Variants in PEPD observed in about 807,000 individuals in gnomAD.
PEPD encodes peptidase D.
Under a neutral mutation model 60.7 loss-of-function variants are expected in PEPD, and 53 were observed. The ratio of observed to expected loss-of-function variants is 0.87; its 90% CI spans 0.70 to 1.10. The LOEUF is 1.10. Among genes scored for constraint, PEPD ranks in the 50% least tolerant of loss-of-function variants. The pLI, the probability that PEPD is intolerant of heterozygous loss-of-function variation, is 0.00. For missense variants in PEPD, 711 were observed against 711.9 expected (o/e 1.00, Z 0.01); for synonymous variants, 267 against 284.1 (o/e 0.94, Z 0.60).
chr19:33,472,894 G>A (rs1251359506), intron 7 of PEPD, among the ~76,000 whole-genome samples: 1 of 152,200 alleles, frequency 6.6e-6, no homozygotes, highest in Non-Finnish European at 1.5e-5. Context: ...CCATGACCCA[G>A]TGATGCAAAG....
chr19:33,482,883 TAGAAGATATAAACA>T (rs1192844502), intron 6 of PEPD, among the ~76,000 whole-genome samples: 7 of 152,160 alleles, frequency 4.6e-5, no homozygotes, highest in Non-Finnish European at 1.0e-4. Context: ...AGGAAAGATA[TAGAAGATATAAACA>T]AGAAATTAAC....
At chr19:33,403,834 G>A (rs1331446896) in intron 11 of PEPD, among the ~76,000 whole-genome samples, 2 of 152,210 alleles carry the variant, frequency 1.3e-5, no homozygotes, top group Non-Finnish European at 2.9e-5. Flanking sequence ...TGACTCTCAG[G>A]CTGGGGGGAG....
chr19:33,435,035 C>T (rs138984712), intron 9 of PEPD, among the ~76,000 whole-genome samples: 12 of 152,268 alleles, frequency 7.9e-5, no homozygotes, highest in Non-Finnish European at 1.5e-4. Flanking sequence ...AGCCGGAATG[C>T]GATGCCAGAG....
At chr19:33,435,984 G>A (rs894882305) in intron 9 of PEPD, among the ~76,000 whole-genome samples, 8 of 152,232 alleles carry the variant, frequency 5.3e-5, no homozygotes, top group Non-Finnish European at 1.2e-4. Flanking sequence ...GCTGCTGGAG[G>A]AGAATATGGG....
chr19:33,500,298 C>CTCCGAGCTGTGCTCTCGCCTCTG (rs1970683908), intron 4 of PEPD, among the ~76,000 whole-genome samples: 1 of 152,204 alleles, frequency 6.6e-6, no homozygotes, highest in African/African-American at 2.4e-5. Flanking sequence ...ACCACAGGGG[C>CTCCGAGCTGTGCTCTCGCCTCTG]TCCCAGCTGT....
chr19:33,431,992 C>CAAAAAAAAAAAAAAAAAAAAAAAA lies in PEPD; in HGVS notation c.672-18350_672-18349insTTTTTTTTTTTTTTTTTTTTTTTT, dbSNP rs906879187. 1.6e-3 allele frequency among the ~76,000 whole-genome samples: 127 copies of CAAAAAAAAAAAAAAAAAAAAAAAA among 77,812 alleles called. 5 individuals are homozygous for CAAAAAAAAAAAAAAAAAAAAAAAA. The highest frequency in any genetic ancestry group is 4.6e-3 in the East Asian group (10 of 2,182). The allele number at this position is 77,812 out of a possible 152,430, so 51.0% of individuals were successfully genotyped here. ...TGGGTAACAGAGCAAGACACCACCTCAAAAAAAAAAAAAAAAAAGGGAAGA... is the reference window on the plus strand; with the variant it reads ...TGGGTAACAGAGCAAGACACCACCTCAAAAAAAAAAAAAAAAAAAAAAAAAAAAAAAAAAAAAAAAAAGGGAAGA... On this transcript the variant is annotated intron_variant, in intron 9 of 14. Transcript: ENST00000244137.
At chr19:33,474,754 G>A (rs1283232035) in intron 7 of PEPD, among the ~76,000 whole-genome samples, 3 of 152,104 alleles carry the variant, frequency 2.0e-5, no homozygotes, top group Non-Finnish European at 4.4e-5. Flanking sequence ...GCTGAGGTAG[G>A]AGGATCTCTT....
At chr19:33,431,102 C>T (rs983775409) in intron 9 of PEPD, among the ~76,000 whole-genome samples, 14 of 147,516 alleles carry the variant, frequency 9.5e-5, no homozygotes, top group African/African-American at 1.3e-4. Flanking sequence ...AGAGCAAGAT[C>T]CTATGAAGGA....
chr19:33,427,879 G>C (rs982427960), intron 9 of PEPD, among the ~76,000 whole-genome samples: 1 of 152,286 alleles, frequency 6.6e-6, no homozygotes, highest in South Asian at 2.1e-4. Context: ...AAAGCCAGTA[G>C]ATTGCTAGCA....
chr19:33,478,353 C>T (rs1225952612), intron 6 of PEPD, among the ~76,000 whole-genome samples: 1 of 152,162 alleles, frequency 6.6e-6, no homozygotes, highest in Non-Finnish European at 1.5e-5. Context: ...AGGCAGACAG[C>T]ATAGTCTCTT....
chr19:33,413,256 G>A (rs772231802), intron 10 of PEPD, among the ~76,000 whole-genome samples: 2 of 152,356 alleles, frequency 1.3e-5, no homozygotes, highest in African/African-American at 2.4e-5. Context: ...GTGTGTGCCC[G>A]TGTGGAGGAG....
chr19:33,521,665 C>T (rs905017847), intron 1 of PEPD, 79 bp downstream of exon 1: 2 of 1,439,648 alleles, frequency 1.4e-6, no homozygotes, highest in African/African-American at 1.4e-5. Context: ...CCGGCTGACG[C>T]TCTCACCCGC....
intron 7 of PEPD, among the ~76,000 whole-genome samples, chr19:33,473,146 C>T (rs571297521): frequency 1.3e-5 from 2 of 152,328 alleles, no homozygotes; most frequent in East Asian, 3.9e-4. Context: ...GATGCTCCCA[C>T]ATCCATCTCC....
At chr19:33,497,907 AGG>A (rs1442954433) in intron 4 of PEPD, among the ~76,000 whole-genome samples, 2 of 152,116 alleles carry the variant, frequency 1.3e-5, no homozygotes, top group African/African-American at 4.8e-5. Flanking sequence ...CTGAGGGGAA[AGG>A]GAGGCCTGGA....
At chr19:33,393,505 T>G (rs62125166) in intron 12 of PEPD, among the ~76,000 whole-genome samples, 23,676 of 147,156 alleles carry the variant, frequency 0.16, 2,447 homozygotes, top group Admixed American at 0.28. Flanking sequence ...GAGCCTCAGC[T>G]GCCGCTGGTC....
At chr19:33,431,166 G>A (rs1969263970) in intron 9 of PEPD, among the ~76,000 whole-genome samples, 1 of 138,292 alleles carries the variant, frequency 7.2e-6, no homozygotes, top group Non-Finnish European at 1.6e-5. Context: ...AAGGAAAGAA[G>A]GAAGGAAGGA....
chr19:33,453,988 G>A (rs1307204267), intron 9 of PEPD, among the ~76,000 whole-genome samples: 2 of 152,188 alleles, frequency 1.3e-5, no homozygotes, highest in South Asian at 4.1e-4. Flanking sequence ...TCTGCACCAG[G>A]ACGTCTGGTC....
chr19:33,427,036 G>A, intron 9 of PEPD, among the ~76,000 whole-genome samples: 1 of 152,216 alleles, frequency 6.6e-6, no homozygotes. Context: ...CTCTTCTAAT[G>A]AGCCTTTCCA....
At chr19:33,405,285 T>G (rs111593929) in intron 11 of PEPD, among the ~76,000 whole-genome samples, 27 of 152,190 alleles carry the variant, frequency 1.8e-4, no homozygotes, top group Non-Finnish European at 3.1e-4. Context: ...GGTCGGCCAG[T>G]GACGGAAGGC....
Sources: allele counts gnomAD v4.1 joint callset (sites outside exome capture counted in the v4.1 genomes callset), GRCh38; gene constraint gnomAD v4.1.1; transcripts MANE v1.5; gene names NCBI Gene and HGNC (gene_info 2026-07-23, HGNC 2026-07-21).